ELP4: variants seen among roughly 807,000 people sequenced by gnomAD.
ELP4 encodes the protein elongator complex protein 4.
A neutral mutation model predicts 48.9 loss-of-function variants in ELP4; 51 were observed. That is an observed-to-expected ratio of 1.04 (90% confidence interval 0.83 to 1.32). The LOEUF (loss-of-function observed/expected upper bound fraction) is 1.32. Ranked by LOEUF, ELP4 falls within the 40% of genes most tolerant of loss-of-function variation. The pLI is 0.00. For synonymous variants in ELP4, 210 were observed against 189.2 expected, an observed-to-expected ratio of 1.11 and a Z score of -0.90; for missense variants, 519 against 514.6, an observed-to-expected ratio of 1.01 and a Z score of -0.08.
At chr11:31,517,376 A>G (rs1469715761) in intron 1 of ELP4, among the ~76,000 whole-genome samples, 3 of 151,664 alleles carry the variant, frequency 2.0e-5, no homozygotes, top group African/African-American at 7.3e-5. Flanking sequence ...GTTGGCCAGG[A>G]TGGTCTCGAA....
intron 9 of ELP4, among the ~76,000 whole-genome samples, chr11:31,706,553 ATATAT>A (rs1371396000): frequency 5.4e-5 from 8 of 147,876 alleles, no homozygotes; most frequent in Non-Finnish European, 7.5e-5. Flanking sequence ...ATTTAATTTA[ATATAT>A]TAAATTAATA....
At chr11:31,579,943 A>C in intron 3 of ELP4, among the ~76,000 whole-genome samples, 1 of 152,208 alleles carries the variant, frequency 6.6e-6, no homozygotes, top group African/African-American at 2.4e-5. Context: ...AAAATAAATA[A>C]ATAAAAATAA....
intron 5 of ELP4, among the ~76,000 whole-genome samples, chr11:31,614,369 A>C (rs938041090): frequency 2.6e-5 from 4 of 152,156 alleles, no homozygotes; most frequent in African/African-American, 7.2e-5. Context: ...ATGATGGCAT[A>C]TCAAAAGGAC....
chr11:31,579,824 T>C (rs1417763449), intron 3 of ELP4, among the ~76,000 whole-genome samples: 1 of 148,854 alleles, frequency 6.7e-6, no homozygotes, highest in East Asian at 2.1e-4. Context: ...TTAGGAGATA[T>C]ACCTAATGTG....
chr11:31,515,031 GTGTATA>G (rs1333447426), intron 1 of ELP4, among the ~76,000 whole-genome samples: 9 of 115,582 alleles, frequency 7.8e-5, no homozygotes, highest in African/African-American at 2.5e-4. Context: ...GTGTGTGTGT[GTGTATA>G]TATATATATA....
intron 3 of ELP4, among the ~76,000 whole-genome samples, chr11:31,574,921 G>C (rs932801930): frequency 2.6e-5 from 4 of 152,210 alleles, no homozygotes; most frequent in Non-Finnish European, 4.4e-5. Flanking sequence ...ACAGAACAAA[G>C]CTGGACGGAG....
chr11:31,687,655 T>C (rs1946189594), intron 9 of ELP4: 1 of 152,160 alleles, frequency 6.6e-6, no homozygotes, highest in Non-Finnish European at 1.5e-5. Flanking sequence ...CGACTCTCTG[T>C]TCCAGATTCT....
chr11:31,664,274 A>C (rs1383016938), intron 9 of ELP4: 1 of 152,162 alleles, frequency 6.6e-6, no homozygotes, highest in Non-Finnish European at 1.5e-5. Context: ...TGTAAAGAGT[A>C]GATGATTTAA....
intron 7 of ELP4, among the ~76,000 whole-genome samples, chr11:31,636,060 A>G (rs1362968144): frequency 6.6e-6 from 1 of 152,026 alleles, no homozygotes; most frequent in African/African-American, 2.4e-5. Flanking sequence ...TTAAATGGTG[A>G]TTGAATGACT....
chr11:31,636,577 T>C (rs1179830029), intron 7 of ELP4, among the ~76,000 whole-genome samples: 1 of 151,914 alleles, frequency 6.6e-6, no homozygotes, highest in African/African-American at 2.4e-5. Flanking sequence ...GTTAAGGAAA[T>C]TGCAAAGAGA....
chr11:31,510,460 T>C (rs1276896513), intron 1 of ELP4: 2 of 410,792 alleles, frequency 4.9e-6, no homozygotes, highest in African/African-American at 4.1e-5. Context: ...TGATTTCCCC[T>C]CTTTGACCGT....
At chr11:31,771,838 G>GCA (rs1410651069) in intron 9 of ELP4, among the ~76,000 whole-genome samples, 1 of 152,098 alleles carries the variant, frequency 6.6e-6, no homozygotes, top group Non-Finnish European at 1.5e-5. Flanking sequence ...ATTTAGCCGG[G>GCA]CGTGGTGGCG....
chr11:31,673,465 A>G (rs72896120), intron 9 of ELP4, among the ~76,000 whole-genome samples: 10,126 of 152,134 alleles, frequency 0.067, 488 homozygotes, highest in Non-Finnish European at 0.1. Flanking sequence ...CCAAGTAACT[A>G]TGACTACAGA....
chr11:31,658,469 C>CA (rs1194773884), intron 9 of ELP4, among the ~76,000 whole-genome samples: 4 of 145,916 alleles, frequency 2.7e-5, no homozygotes, highest in South Asian at 2.1e-4. Flanking sequence ...AATTAATTTG[C>CA]AAAAAAAAAG....
At chr11:31,693,932 A>G (rs973859323) in intron 9 of ELP4, among the ~76,000 whole-genome samples, 1 of 152,112 alleles carries the variant, frequency 6.6e-6, no homozygotes, top group Non-Finnish European at 1.5e-5. Context: ...GCATTTTCTC[A>G]TGTGTCTTTT....
chr11:31,752,617 G>A (rs1385141285), intron 9 of ELP4, among the ~76,000 whole-genome samples: 3 of 151,960 alleles, frequency 2.0e-5, no homozygotes, highest in Admixed American at 6.6e-5. Context: ...GACGGATCAC[G>A]AGGTCAGGAG....
intron 9 of ELP4, among the ~76,000 whole-genome samples, chr11:31,777,956 GAGT>G (rs1321390249): frequency 1.3e-5 from 2 of 152,200 alleles, no homozygotes; most frequent in Non-Finnish European, 2.9e-5. Flanking sequence ...CTGCAGAGAT[GAGT>G]ATATCATCCT....
chr11:31,527,408 C>A lies in ELP4; in HGVS notation c.259+7317C>A, dbSNP rs537944500. Among the ~76,000 whole-genome samples the A allele has an allele frequency of 2.0e-5, 3 of 151,954 alleles. No homozygotes were observed. In the South Asian group the frequency reaches 6.2e-4, roughly 32 times the overall value. On this transcript the variant is annotated intron_variant, in intron 2 of 9. Coordinates refer to ENST00000640961, the MANE Select transcript of ELP4 (RefSeq NM_019040.5). ...TTAACCCCCTATTCAACATTTCCTC[C>A]TAAATATCTTATAGACATCTAAAAT... is the stretch of plus-strand genomic sequence containing the variant.
chr11:31,753,751 T>A (rs959894383), intron 9 of ELP4, among the ~76,000 whole-genome samples: 1 of 152,208 alleles, frequency 6.6e-6, no homozygotes, highest in African/African-American at 2.4e-5. Flanking sequence ...ATACATGCAT[T>A]ATGATTGCAT....
Sources: allele counts gnomAD v4.1 joint callset (sites outside exome capture counted in the v4.1 genomes callset), GRCh38; gene constraint gnomAD v4.1.1; transcripts MANE v1.5; gene names NCBI Gene and HGNC (gene_info 2026-07-23, HGNC 2026-07-21).